Variants in COL1A1 observed in about 807,000 individuals in gnomAD.
COL1A1 encodes collagen type I alpha 1 chain, also known as collagen alpha-1(I) chain.
COL1A1 carries 21 observed loss-of-function variants against 195.7 expected under a neutral mutation model. The observed-to-expected ratio is 0.11, with a 90% confidence interval of 0.08 to 0.15. COL1A1 has a LOEUF of 0.15. COL1A1 is among the 10% of genes least tolerant of loss of function. The probability of loss-of-function intolerance (pLI) is 1.00; values close to 1 mark genes in which losing one functional copy is unlikely to be tolerated. For synonymous variants in COL1A1, 749 were observed against 747.3 expected (o/e 1.00, Z -0.04); for missense variants, 1,365 against 2,051.0 (o/e 0.67, Z 6.46).
chr17:50,188,893 G>A lies in COL1A1; in HGVS notation c.3045+10C>T. 1.9e-6 allele frequency: 3 copies of A among 1,585,872 alleles called. No homozygotes were observed. Among genetic ancestry groups the A allele is most frequent in the Non-Finnish European group, 2.6e-6 (3 of 1,154,702 alleles). ...TGAGGGTACTGGCATGGGGGCTGGG[G>A]ACTGCTCACCTCACGTCCAGATTCA... On this transcript the variant is annotated intron_variant, in intron 41 of 50. Coordinates refer to ENST00000225964, the MANE Select transcript of COL1A1 (RefSeq NM_000088.4). The surrounding 1 kb of genome is among the most constrained non-coding windows in gnomAD (Gnocchi z 5.6).
Position 50,186,645 on chromosome 17 carries a change from T to C in COL1A1, c.3809A>G (p.Lys1270Arg). ...AGGCTAGGGCAGGCCCTCACCACTC[T>C]TCCAGTCAGAGTGGCACATCTTGAG... ...RDLKMCHSDW[K>R]SGEYWIDPNQ... The change falls in exon 48 of 51, where the codon AAG becomes AGG. Residue 1270 changes from lysine (K) to arginine (R), a missense_variant. Physicochemically the swap from Lys to Arg is conservative, Grantham distance 26 (BLOSUM62 2). This residue lies in a region of COL1A1 where 273 missense variants were observed against 338.6 expected (regional missense o/e 0.81). Transcript: ENST00000225964. This position sits in a 1 kb window ranked among gnomAD's most constrained non-coding sequence, Gnocchi z 5.3. The C allele has an allele frequency of 6.2e-7, 1 of 1,613,564 alleles. No homozygotes were observed. The highest frequency in any genetic ancestry group is 8.5e-7 in the Non-Finnish European group (1 of 1,180,006).
In COL1A1 at chr17:50,195,259, G is replaced by A. The variant is rs765154255; in HGVS notation, c.1272C>T (p.Gly424=). The A allele has an allele frequency of 9.3e-6, 15 of 1,612,998 alleles. No individual in the cohort carries two copies. Among genetic ancestry groups the A allele is most frequent in the African/African-American group, 6.7e-5 (5 of 74,838 alleles). Residue 424 remains glycine, a synonymous_variant, in exon 19 of 51, where the codon GGC becomes GGT. Coordinates refer to ENST00000225964, the MANE Select transcript of COL1A1 (RefSeq NM_000088.4). This position sits in a 1 kb window ranked among gnomAD's most constrained non-coding sequence, Gnocchi z 4.3. ...TGTTACCCTTGGGACCAGGAGGGCC[G>A]CCGGGGCCCTGGGGTCCAGAGGGGC... ...ARGPSGPQGP[G]GPPGPKGNSG...
chr17:50,192,806 A>G lies in COL1A1; in HGVS notation c.1866T>C (p.Pro622=). 6.2e-7 allele frequency: 1 copy of G among 1,614,024 alleles called. No homozygotes were observed. The highest frequency in any genetic ancestry group is 1.1e-5 in the South Asian group (1 of 91,078). ...KDGEAGAQGP[P]GPAGPAGERG... ...CATCAGGGACACTCACAGCAGGGCCAGGGGGTCCCTGAGCTCCAGCCTCTC... is the reference window on the plus strand; with the variant it reads ...CATCAGGGACACTCACAGCAGGGCCGGGGGGTCCCTGAGCTCCAGCCTCTC... The change falls in exon 27 of 51, where the codon CCT becomes CCC. Residue 622 remains proline, a synonymous_variant. Coordinates refer to ENST00000225964, the MANE Select transcript of COL1A1 (RefSeq NM_000088.4).
Position 50,189,308 on chromosome 17 carries a change from G to C in COL1A1, c.2830-33C>G, listed in dbSNP as rs2586489. 1 allele frequency: 1,613,821 copies of C among 1,613,952 alleles called. 806,846 individuals carry two copies. The highest frequency in any genetic ancestry group is 1 in the Middle Eastern group (6,062 of 6,062). On this transcript the variant is annotated intron_variant, in intron 39 of 50. Transcript: ENST00000225964. This position sits in a 1 kb window ranked among gnomAD's most constrained non-coding sequence, Gnocchi z 5.5. The stretch of plus-strand genomic sequence containing the variant: ...AGGCAAACAGGGGTGAGGTGCCAGA[G>C]AGCAGCACAGGGACCCCTCCCCAGC...
intron 7 of COL1A1, 24 bp from the exon 8 acceptor site, chr17:50,198,026 G>A (rs773058438): frequency 1.2e-6 from 2 of 1,613,540 alleles, no homozygotes; most frequent in Admixed American, 1.7e-5. Context: ...AAAAAGATGG[G>A]TTAGAAGACA....
intron 32 of COL1A1, 43 bp downstream of exon 32, chr17:50,191,340 G>T (rs762174711): frequency 1.3e-6 from 2 of 1,509,510 alleles, no homozygotes; most frequent in Admixed American, 1.7e-5. Context: ...AGGCAGAGAT[G>T]GGAGCCATGT....
rs1452586508 is a variant in COL1A1 at position 50,186,800 on chromosome 17, A to G, written c.3654T>C (p.Ala1218=). The G allele has an allele frequency of 1.9e-6, 3 of 1,614,134 alleles. No individual in the cohort carries two copies. The South Asian group carries it at 3.3e-5, about 18-fold the overall frequency. Residue 1218 remains alanine (A), a synonymous_variant, in exon 48 of 51, where the codon GCT becomes GCC. Coordinates refer to ENST00000225964, the MANE Select transcript of COL1A1 (RefSeq NM_000088.4). The surrounding 1 kb of genome is among the most constrained non-coding windows in gnomAD (Gnocchi z 5.3). ...KAHDGGRYYR[A]DDANVVRDRD... is the part of the protein sequence containing the mutation. Reference sequence around the variant, plus strand: ...GGTCACGAACCACATTGGCATCATCAGCCCGGTAGTAGCGGCCACCATCGT... The same window carrying G: ...GGTCACGAACCACATTGGCATCATCGGCCCGGTAGTAGCGGCCACCATCGT...
rs760258050 is a variant in COL1A1 at position 50,191,846 on chromosome 17, G to A, written c.2069C>T (p.Pro690Leu). The change falls in exon 31 of 51, where the codon CCC becomes CTC. Residue 690 changes from proline (P) to leucine (L), a missense_variant. By Grantham distance (98) the Pro-to-Leu change is moderately conservative. Coordinates refer to ENST00000225964, the MANE Select transcript of COL1A1 (RefSeq NM_000088.4). ...CCCTCGGGGACCAGCAGGACCAGGG[G>A]GACCTTGCACACCACGCTCGCCAGG... is the stretch of plus-strand genomic sequence containing the variant. ...GFPGERGVQGPPGPAGPRGAN... is the reference protein window; with the variant it reads ...GFPGERGVQGLPGPAGPRGAN... 1.1e-5 allele frequency: 17 copies of A among 1,603,326 alleles called. No individual in the cohort carries two copies. In the East Asian group the frequency reaches 3.4e-4, roughly 32 times the overall value.
In COL1A1 at chr17:50,185,877, G is replaced by A. The variant is rs762042426; in HGVS notation, c.4149C>T (p.Asn1383=). The A allele has an allele frequency of 2.5e-6, 4 of 1,614,182 alleles. No individual in the cohort carries two copies. The highest frequency in any genetic ancestry group is 1.1e-5 in the South Asian group (1 of 91,086). The change falls in exon 50 of 51, where the codon AAC becomes AAT. Residue 1383 remains asparagine (N), a synonymous_variant. Coordinates refer to ENST00000225964, the MANE Select transcript of COL1A1 (RefSeq NM_000088.4). ...CCTGGAGGAGCAGGGCCTTCTTGAG[G>A]TTGCCAGTCTGCTGGTCCATGTAGG... The part of the protein sequence containing the change: ...SVAYMDQQTG[N]LKKALLLQGS...
chr17:50,195,387 A>T lies in COL1A1; in HGVS notation c.1200+47T>A. ...TAGGAGCAGAGGGAAAGGGGCAGGC[A>T]GGCTGCAGGCGGCAGGAGTGGGACT... On this transcript the variant is annotated intron_variant, in intron 18 of 50. Coordinates refer to ENST00000225964, the MANE Select transcript of COL1A1 (RefSeq NM_000088.4). The surrounding 1 kb of genome is among the most constrained non-coding windows in gnomAD (Gnocchi z 4.3). 4 of 1,613,770 alleles carry T rather than the reference A, an allele frequency of 2.5e-6. No homozygotes were observed. The highest frequency in any genetic ancestry group is 3.4e-6 in the Non-Finnish European group (4 of 1,179,662).
rs1333576909 is a variant in COL1A1 at position 50,201,621 on chromosome 17, C to T, written c.-108G>A. The T allele has an allele frequency of 2.2e-6, 2 of 913,602 alleles. No individual in the cohort carries two copies. The highest frequency in any genetic ancestry group is 5.3e-5 in the East Asian group (2 of 37,758). The allele number at this position is 913,602 out of a possible 1,614,324, so 56.6% of individuals were successfully genotyped here. ...CTCCTGCTCCGACCCCGAGGAGAAACTCCCGTCTGCTCCGACGACTGGCCC... is the reference window on the plus strand; with the variant it reads ...CTCCTGCTCCGACCCCGAGGAGAAATTCCCGTCTGCTCCGACGACTGGCCC... On this transcript the variant is annotated 5_prime_UTR_variant, in exon 1 of 51. Transcript: ENST00000225964.
chr17:50,188,673 G>C lies in COL1A1; in HGVS notation c.3100-36C>G, dbSNP rs531476034. On this transcript the variant is annotated intron_variant, in intron 42 of 50. Transcript: ENST00000225964. The surrounding 1 kb of genome is among the most constrained non-coding windows in gnomAD (Gnocchi z 5.6). ...GAGCAGGGGAATATGGGTCAGCCCC[G>C]GGTGAAGGGCCAGGATGGGGCAGGG... 6.2e-7 allele frequency: 1 copy of C among 1,613,056 alleles called. No individual in the cohort carries two copies. The highest frequency in any genetic ancestry group is 1.3e-5 in the African/African-American group (1 of 74,958).
intron 25 of COL1A1, chr17:50,193,484 C>CTTTTT (rs3062009): frequency 8.1e-4 from 137 of 169,418 alleles, no homozygotes; most frequent in East Asian, 2.2e-3. Flanking sequence ...TTTCTTTCTT[C>CTTTTT]TTTTTTTTTT....
chr17:50,194,379 A>G lies in COL1A1; in HGVS notation c.1584T>C (p.Arg528=). The G allele has an allele frequency of 6.2e-7, 1 of 1,614,066 alleles. No individual in the cohort carries two copies. Among genetic ancestry groups the G allele is most frequent in the South Asian group, 1.1e-5 (1 of 91,086 alleles). Residue 528 remains arginine (R), a synonymous_variant, in exon 23 of 51, where the codon CGT becomes CGC. Transcript: ENST00000225964. This position sits in a 1 kb window ranked among gnomAD's most constrained non-coding sequence, Gnocchi z 6.8. ...CACCAGGCAGACCAGCTTCACCGGG[A>G]CGACCAGCTTCACCAGGAGATCCTT... ...GPKGSPGEAG[R]PGEAGLPGAK...
Position 50,195,554 on chromosome 17 carries a change from C to T in COL1A1, c.1155+13G>A, listed in dbSNP as rs1411742146. 6.2e-6 allele frequency: 10 copies of T among 1,613,864 alleles called. No homozygotes were observed. The African/African-American group carries it at 8.0e-5, about 13-fold the overall frequency. On this transcript the variant is annotated intron_variant, in intron 17 of 50. Coordinates refer to ENST00000225964, the MANE Select transcript of COL1A1 (RefSeq NM_000088.4). This position sits in a 1 kb window ranked among gnomAD's most constrained non-coding sequence, Gnocchi z 4.3. ...GAAAGTGGCAAAGGGGACACTGAGTCGGGGACACTTACAGCAGGGCCAGCA... is the reference window on the plus strand; with the variant it reads ...GAAAGTGGCAAAGGGGACACTGAGTTGGGGACACTTACAGCAGGGCCAGCA...
Position 50,189,948 on chromosome 17 carries a change from G to T in COL1A1, c.2560-36C>A. On this transcript the variant is annotated intron_variant, in intron 36 of 50. Coordinates refer to ENST00000225964, the MANE Select transcript of COL1A1 (RefSeq NM_000088.4). This position sits in a 1 kb window ranked among gnomAD's most constrained non-coding sequence, Gnocchi z 5.5. Reference sequence around the variant, plus strand: ...GCACAGAGGCATCAAGCCTGGACCCGTCCTGGGTCCCAGCCCACCAGCCTC... The same window carrying T: ...GCACAGAGGCATCAAGCCTGGACCCTTCCTGGGTCCCAGCCCACCAGCCTC... The T allele has an allele frequency of 6.2e-7, 1 of 1,611,002 alleles. No homozygotes were observed. The highest frequency in any genetic ancestry group is 8.5e-7 in the Non-Finnish European group (1 of 1,178,434).
In COL1A1 at chr17:50,185,257, C is replaced by CTTTTTT. The variant is rs56302025; in HGVS notation, c.*239_*244dup. On this transcript the variant is annotated 3_prime_UTR_variant, in exon 51 of 51. Coordinates refer to ENST00000225964, the MANE Select transcript of COL1A1 (RefSeq NM_000088.4). ...TTTTTTAAAAAGTTATTTATTTATT[C>CTTTTTT]TTTTTTTTTTTTTTTTTTTGGTAAG... 58 of 192,490 alleles carry CTTTTTT rather than the reference C, an allele frequency of 3.0e-4. 3 individuals are homozygous for CTTTTTT. Among genetic ancestry groups the CTTTTTT allele is most frequent in the African/African-American group, 5.3e-4 (16 of 30,130 alleles). 11.9% of individuals were successfully genotyped at this position (192,490 alleles called of 1,614,324 possible). A position where few individuals can be genotyped will look rare whatever the true frequency, so the allele number is the denominator to read the frequency against.
rs766386485 is a variant in COL1A1, at chr17:50,185,635, G to C, written c.4262C>G (p.Ala1421Gly). ...GTATTCAATCACTGTCTTGCCCCAG[G>C]CTCCGGTGTGACTCTGGGGTGGGGC... is the stretch of plus-strand genomic sequence containing the variant. Reference protein sequence around the residue: ...TVDGCTSHTGAWGKTVIEYKT... With the variant: ...TVDGCTSHTGGWGKTVIEYKT... The change falls in exon 51 of 51, where the codon GCC becomes GGC. Residue 1421 changes from alanine (A) to glycine (G), a missense_variant. Physicochemically the swap from Ala to Gly is moderately conservative, Grantham distance 60. Transcript: ENST00000225964. 4 of 1,613,880 alleles carry C rather than the reference G, an allele frequency of 2.5e-6. No individual in the cohort carries two copies. The South Asian group carries it at 4.4e-5, about 18-fold the overall frequency.
At chr17:50,191,068 GA>G in intron 32 of COL1A1, 144 bp from the exon 33 acceptor site, 12 of 836,136 alleles carry the variant, frequency 1.4e-5, no homozygotes, top group Non-Finnish European at 2.0e-5. Context: ...ATTCTTTCAG[GA>G]AAAAGGGTGC....
Sources: gnomAD v4.1 joint callset for allele counts on GRCh38, gnomAD v4.1.1 for gene constraint, gnomAD v4.1.1 regional missense constraint, Gnocchi (gnomAD v3.1) non-coding constraint, MANE v1.5 for transcripts, NCBI Gene and HGNC (gene_info 2026-07-23, HGNC 2026-07-21) for gene names.